The following BPHL variants were observed in gnomAD, a reference collection of about 807,000 sequenced individuals.
BPHL encodes the protein serine hydrolase BPHL.
BPHL carries 27 observed loss-of-function variants against 31.2 expected under a neutral mutation model. The ratio of observed to expected loss-of-function variants is 0.87; its 90% CI spans 0.64 to 1.19. The LOEUF (loss-of-function observed/expected upper bound fraction) is 1.19, where lower values mean the gene tolerates loss of function less well. Among genes scored for constraint, BPHL ranks in the 50% most tolerant of loss-of-function variants. BPHL has a pLI of 0.00. For missense variants in BPHL, 356 were observed against 375.7 expected (o/e 0.95, Z 0.43); for synonymous variants, 150 against 146.8 (o/e 1.02, Z -0.16).
chr6:3,137,739 C>T (rs1762052958), intron 5 of BPHL, among the ~76,000 whole-genome samples: 1 of 152,166 alleles, frequency 6.6e-6, no homozygotes, highest in South Asian at 2.1e-4. Flanking sequence ...TAGCAGACTG[C>T]TCTTTTTTCC....
chr6:3,123,627 C>A, intron 1 of BPHL, 30 bp from the exon 2 acceptor site: 1 of 1,591,050 alleles, frequency 6.3e-7, no homozygotes, highest in Non-Finnish European at 8.6e-7. Context: ...TCCCCTTTCC[C>A]CCTGTGGGGA....
rs534398170 is a variant in BPHL, at chr6:3,133,860, CT to C, written c.533-3501del. The stretch of plus-strand genomic sequence containing the variant: ...GGGTCTAAGTCCATGAGTGAAATTG[CT>C]GAGTGTTGTGGGCAGGTAGACTACA... On this transcript the variant is annotated intron_variant, in intron 4 of 6. Coordinates refer to ENST00000380379, the MANE Select transcript of BPHL (RefSeq NM_004332.4). Among the ~76,000 whole-genome samples, 456 of 152,270 alleles carry C rather than the reference CT, an allele frequency of 3.0e-3. 4 individuals are homozygous for C. The highest frequency in any genetic ancestry group is 0.01 in the African/African-American group (424 of 41,542).
In BPHL at chr6:3,140,409, C is replaced by A; in HGVS notation, c.688C>A (p.Pro230Thr). 6.2e-7 allele frequency: 1 copy of A among 1,614,168 alleles called. No individual in the cohort carries two copies. Among genetic ancestry groups the A allele is most frequent in the Non-Finnish European group, 8.5e-7 (1 of 1,180,022 alleles). ...PDGNICRHLL[P>T]RVQCPALIVH... ...AGGTAACATCTGCCGGCACCTGCTG[C>A]CCCGGGTCCAGTGCCCCGCCTTGAT... Residue 230 changes from proline (P) to threonine (T), a missense_variant, in exon 6 of 7, where the codon CCC (proline) becomes ACC (threonine). Transcript: ENST00000380379. The surrounding 1 kb of genome is among the most constrained non-coding windows in gnomAD (Gnocchi z 5.2).
At chr6:3,125,823 A>G (rs903897412) in intron 2 of BPHL, among the ~76,000 whole-genome samples, 1 of 152,242 alleles carries the variant, frequency 6.6e-6, no homozygotes, top group Admixed American at 6.5e-5. Context: ...GGCCTTGACA[A>G]TGTTGAATGA....
In BPHL at chr6:3,145,294, CGAGTGCTGGTTCGGGGTG is replaced by C. The variant is rs1186170388; in HGVS notation, c.788+4832_788+4849del. On this transcript the variant is annotated intron_variant, in intron 6 of 6. Transcript: ENST00000380379. ...GTGGGTTGGAGTGCTGGTTCGGGTC[CGAGTGCTGGTTCGGGGTG>C]GAGTGCTGGTTCGGGGTGGAGTGCT... Among the ~76,000 whole-genome samples, 18 of 6,162 alleles carry C rather than the reference CGAGTGCTGGTTCGGGGTG, an allele frequency of 2.9e-3. 2 individuals carry two copies. The South Asian group carries it at 0.038, about 13-fold the overall frequency. 4.0% of individuals were successfully genotyped at this position (6,162 alleles called of 152,430 possible).
chr6:3,121,003 G>T (rs190731838), intron 1 of BPHL, among the ~76,000 whole-genome samples: 7 of 152,328 alleles, frequency 4.6e-5, no homozygotes, highest in African/African-American at 1.7e-4. Flanking sequence ...CTCTGTGAGT[G>T]TGGGCAGATT....
chr6:3,132,659 C>T (rs558303929), intron 4 of BPHL, among the ~76,000 whole-genome samples: 1 of 152,172 alleles, frequency 6.6e-6, no homozygotes, highest in East Asian at 1.9e-4. Context: ...AGCAAGACCC[C>T]GTGTCTACAA....
Position 3,140,503 on chromosome 6 carries a change from G to C in BPHL, c.782G>C (p.Gly261Ala), listed in dbSNP as rs770930124. ...GACTTCATTCATAAGCACGTGAAAG[G>C]CTCACGGTAAGTCCTGTCACCGCCT... ...HADFIHKHVKGSRLHLMPEGK... is the reference protein window; with the variant it reads ...HADFIHKHVKASRLHLMPEGK... The change falls in exon 6 of 7, where the codon GGC (glycine) becomes GCC (alanine). Residue 261 changes from glycine to alanine, a missense_variant. Physicochemically the swap from Gly to Ala is moderately conservative, Grantham distance 60 (BLOSUM62 0). Coordinates refer to ENST00000380379, the MANE Select transcript of BPHL (RefSeq NM_004332.4). The surrounding 1 kb of genome is among the most constrained non-coding windows in gnomAD (Gnocchi z 5.2). 5.0e-6 allele frequency: 8 copies of C among 1,613,876 alleles called. No individual in the cohort carries two copies. The Admixed American group carries it at 1.3e-4, about 27-fold the overall frequency.
chr6:3,123,120 C>T (rs1384058840), intron 1 of BPHL, among the ~76,000 whole-genome samples: 2 of 152,200 alleles, frequency 1.3e-5, no homozygotes, highest in Admixed American at 6.5e-5. Context: ...CCAGGCTGGG[C>T]ACAATAGCGT....
At chr6:3,132,491 C>T (rs73718966) in intron 4 of BPHL, among the ~76,000 whole-genome samples, 4,474 of 152,204 alleles carry the variant, frequency 0.029, 208 homozygotes, top group African/African-American at 0.1. Context: ...CTCCTTGCTC[C>T]ACCTAACTCC....
Position 3,133,090 on chromosome 6 carries a change from C to T in BPHL, c.532+3892C>T, listed in dbSNP as rs139070646. Among the ~76,000 whole-genome samples the T allele has an allele frequency of 8.9e-3, 1,348 of 152,298 alleles. 7 individuals carry two copies. The highest frequency in any genetic ancestry group is 0.014 in the Non-Finnish European group (969 of 68,024). The stretch of plus-strand genomic sequence containing the variant: ...TAATTACTATTTATTGAGTGCCTGC[C>T]GTGAGCTAAAGTCTTTAACAACGTG... On this transcript the variant is annotated intron_variant, in intron 4 of 6. Transcript: ENST00000380379.
intron 5 of BPHL, chr6:3,138,232 A>C (rs1222517816): frequency 2.6e-5 from 8 of 303,546 alleles, no homozygotes; most frequent in East Asian, 1.2e-4. Context: ...GTTGGCCAGG[A>C]TGGCCTTGAT....
chr6:3,135,845 G>T (rs187100076), intron 4 of BPHL, among the ~76,000 whole-genome samples: 174 of 152,294 alleles, frequency 1.1e-3, no homozygotes, highest in African/African-American at 3.9e-3. Context: ...AATCGAGAGC[G>T]CTTTCCTTCC....
At chr6:3,121,631 T>C (rs1761578696) in intron 1 of BPHL, among the ~76,000 whole-genome samples, 1 of 152,170 alleles carries the variant, frequency 6.6e-6, no homozygotes, top group Non-Finnish European at 1.5e-5. Context: ...CTAAGCTATC[T>C]TAACTGTAGA....
At chr6:3,139,168 G>C (rs1762098122) in intron 5 of BPHL, 1 of 152,100 alleles carries the variant, frequency 6.6e-6, no homozygotes, top group African/African-American at 2.4e-5. Flanking sequence ...GTTGTTGTGG[G>C]GATTAAATGA....
chr6:3,147,138 G>GGCTGGTA (rs571078547), intron 6 of BPHL, among the ~76,000 whole-genome samples: 80 of 152,276 alleles, frequency 5.3e-4, no homozygotes, highest in Admixed American at 4.8e-3. Flanking sequence ...GTATGCACCT[G>GGCTGGTA]TAGTCCAAGC....
chr6:3,125,837 T>C (rs1430970859), intron 2 of BPHL, among the ~76,000 whole-genome samples: 2 of 152,264 alleles, frequency 1.3e-5, no homozygotes, highest in Admixed American at 1.3e-4. Flanking sequence ...TGAATGATCC[T>C]GCACCACCTT....
At chr6:3,143,561 T>C (rs372742997) in intron 6 of BPHL, among the ~76,000 whole-genome samples, 161 of 152,368 alleles carry the variant, frequency 1.1e-3, no homozygotes, top group African/African-American at 3.8e-3. Flanking sequence ...CAGTCTGAGA[T>C]ACGAAACACA....
At chr6:3,145,402 C>G (rs911417930) in intron 6 of BPHL, among the ~76,000 whole-genome samples, 24 of 5,572 alleles carry the variant, frequency 4.3e-3, no homozygotes, top group South Asian at 0.011. Context: ...GGTTCGGGTC[C>G]GAGTGCTGGT....
Sources: allele counts gnomAD v4.1 joint callset (sites outside exome capture counted in the v4.1 genomes callset), GRCh38; gene constraint gnomAD v4.1.1; non-coding constraint Gnocchi (gnomAD v3.1); transcripts MANE v1.5; gene names NCBI Gene and HGNC (gene_info 2026-07-23, HGNC 2026-07-21).